The following LPA variants were observed in gnomAD, a reference collection of about 807,000 sequenced individuals.
LPA encodes lipoprotein(a).
Under a neutral mutation model 197.9 loss-of-function variants are expected in LPA, and 199 were observed. That is an observed-to-expected ratio of 1.01 (90% CI 0.90 to 1.13). The LOEUF is 1.13. Among genes scored for constraint, LPA ranks in the 50% most tolerant of loss-of-function variants. The pLI, the probability that LPA is intolerant of heterozygous loss-of-function variation, is 0.00. For missense variants in LPA, 1,853 were observed against 1,785.8 expected, an observed-to-expected ratio of 1.04 and a Z score of -0.68; for synonymous variants, 715 against 639.5, an observed-to-expected ratio of 1.12 and a Z score of -1.78.
chr6:160,631,981 G>C (rs1779694219), intron 8 of LPA, among the ~76,000 whole-genome samples: 1 of 142,306 alleles, frequency 7.0e-6, no homozygotes, highest in Admixed American at 7.4e-5. Context: ...GTGAGTATGG[G>C]TGTGTTTTCA....
chr6:160,536,802 T>C (rs1777902050), intron 37 of LPA, among the ~76,000 whole-genome samples: 2 of 152,036 alleles, frequency 1.3e-5, no homozygotes, highest in Non-Finnish European at 1.5e-5. Context: ...GGAGGTGAGG[T>C]TTTAAAAATA....
intron 37 of LPA, among the ~76,000 whole-genome samples, chr6:160,537,544 A>G (rs1777912734): frequency 6.6e-6 from 1 of 152,240 alleles, no homozygotes; most frequent in Admixed American, 6.5e-5. Context: ...TGCTGAAATT[A>G]TGATTAAGAG....
chr6:160,538,064 G>A (rs1777921005), intron 36 of LPA, 103 bp from the exon 37 acceptor site: 1 of 893,390 alleles, frequency 1.1e-6, no homozygotes, highest in South Asian at 1.4e-5. Flanking sequence ...CTCTGAGCTG[G>A]CACTGCCTTG....
At chr6:160,577,692 C>T (rs1778711014) in intron 27 of LPA, among the ~76,000 whole-genome samples, 1 of 152,158 alleles carries the variant, frequency 6.6e-6, no homozygotes, top group Non-Finnish European at 1.5e-5. Flanking sequence ...GCGCATTTCC[C>T]TAGACCATTG....
intron 26 of LPA, among the ~76,000 whole-genome samples, chr6:160,579,518 G>A (rs1778750298): frequency 6.6e-6 from 1 of 152,194 alleles, no homozygotes; most frequent in Non-Finnish European, 1.5e-5. Context: ...AGACGGCTAG[G>A]TAGACTATGG....
chr6:160,580,604 G>C (rs1216922356), intron 26 of LPA, among the ~76,000 whole-genome samples: 1 of 152,148 alleles, frequency 6.6e-6, no homozygotes. Context: ...TGATATCCAT[G>C]TACACTGGAT....
intron 17 of LPA, among the ~76,000 whole-genome samples, chr6:160,605,862 C>T (rs1779338391): frequency 6.6e-6 from 1 of 152,176 alleles, no homozygotes; most frequent in South Asian, 2.1e-4. Context: ...CCGACTCTTT[C>T]TATCCAGACC....
intron 1 of LPA, among the ~76,000 whole-genome samples, chr6:160,662,436 A>T (rs1435859658): frequency 6.6e-6 from 1 of 152,186 alleles, no homozygotes; most frequent in Non-Finnish European, 1.5e-5. Context: ...CTCCCCGGGC[A>T]TTCCAGCACA....
intron 1 of LPA, among the ~76,000 whole-genome samples, chr6:160,663,074 C>T (rs1484394412): frequency 1.3e-5 from 2 of 152,312 alleles, no homozygotes; most frequent in Non-Finnish European, 2.9e-5. Context: ...TCCTTGCTCG[C>T]CTCCTCTGTT....
intron 32 of LPA, among the ~76,000 whole-genome samples, 167 bp from the exon 33 acceptor site, chr6:160,545,700 G>A (rs1252343896): frequency 5.3e-5 from 8 of 152,078 alleles, no homozygotes; most frequent in Admixed American, 5.2e-4. Context: ...TTTCTATGCT[G>A]TAAGCCATCA....
chr6:160,572,729 G>A (rs891638852), intron 28 of LPA, among the ~76,000 whole-genome samples: 13 of 152,158 alleles, frequency 8.5e-5, no homozygotes, highest in Non-Finnish European at 1.6e-4. Flanking sequence ...GGCTATGATA[G>A]GGCTCCAATC....
chr6:160,590,194 A>G (rs1457226991), intron 23 of LPA, among the ~76,000 whole-genome samples: 1 of 152,212 alleles, frequency 6.6e-6, no homozygotes, highest in Non-Finnish European at 1.5e-5. Flanking sequence ...TAGGACTTCC[A>G]GGCAAAGACA....
intron 26 of LPA, among the ~76,000 whole-genome samples, chr6:160,584,281 C>CTT (rs1583596641): frequency 6.7e-6 from 1 of 148,632 alleles, no homozygotes; most frequent in East Asian, 2.0e-4. Flanking sequence ...TCTTCTTCTT[C>CTT]TTCTTCTTCT....
At chr6:160,578,893 C>T (rs1428289651) in intron 26 of LPA, among the ~76,000 whole-genome samples, 189 bp from the exon 27 acceptor site, 1 of 152,200 alleles carries the variant, frequency 6.6e-6, no homozygotes, top group African/African-American at 2.4e-5. Flanking sequence ...GGACACATCA[C>T]AGATTATAAT....
In LPA at chr6:160,653,782, A is replaced by G. The variant is rs371984831; in HGVS notation, c.50-3285T>C. Among the ~76,000 whole-genome samples the G allele has an allele frequency of 2.7e-5, 4 of 148,532 alleles. No individual in the cohort carries two copies. The South Asian group carries it at 8.5e-4, about 31-fold the overall frequency. On this transcript the variant is annotated intron_variant, in intron 1 of 38. Transcript: ENST00000316300. ...AATAAAATACCAGCAATTGAATCCA[A>G]GAGTACATCAAAAAGCTAATCCACC...
chr6:160,569,549 T>A (rs1417083846), intron 28 of LPA, among the ~76,000 whole-genome samples: 13 of 151,910 alleles, frequency 8.6e-5, no homozygotes, highest in Admixed American at 8.5e-4. Flanking sequence ...ACCTAAGCAA[T>A]ACCATTCAGG....
chr6:160,571,566 C>T (rs1005664033), intron 28 of LPA, among the ~76,000 whole-genome samples: 8 of 152,140 alleles, frequency 5.3e-5, no homozygotes, highest in African/African-American at 1.7e-4. Context: ...TTCAGAGATG[C>T]CCTGCCCAGA....
intron 23 of LPA, among the ~76,000 whole-genome samples, chr6:160,590,550 T>C (rs1263253131): frequency 1.3e-5 from 2 of 152,300 alleles, no homozygotes; most frequent in East Asian, 1.9e-4. Context: ...CCTCTGAAAC[T>C]GTAAAGCTGA....
rs757199474 is a variant in LPA at position 160,548,653 on chromosome 6, C to G, written c.4980G>C (p.Leu1660=). 6.2e-7 allele frequency: 1 copy of G among 1,614,006 alleles called. No homozygotes were observed. Among genetic ancestry groups the G allele is most frequent in the Non-Finnish European group, 8.5e-7 (1 of 1,179,950 alleles). ...CTGGATTCCTGCAGTAGTTCATTGT[C>G]AGGCCACTGGAAATTCCAAAGCAAT... ...RTPENYPNDG[L]TMNYCRNPDA... is the part of the protein sequence containing the mutation. The change falls in exon 31 of 39, where the codon CTG becomes CTC. Residue 1660 remains leucine, a synonymous_variant. Coordinates refer to ENST00000316300, the MANE Select transcript of LPA (RefSeq NM_005577.4).
Sources: gnomAD v4.1 joint callset for allele counts (sites outside exome capture counted in the v4.1 genomes callset) on GRCh38, gnomAD v4.1.1 for gene constraint, MANE v1.5 for transcripts, NCBI Gene and HGNC (gene_info 2026-07-23, HGNC 2026-07-21) for gene names.